Variants in DDX6 observed in about 807,000 individuals in gnomAD.
DDX6 encodes the protein DEAD-box helicase 6, also known as probable ATP-dependent RNA helicase DDX6.
In DDX6, 7 loss-of-function variants were observed where a neutral mutation model predicts 60.6. The observed-to-expected ratio is 0.12, with a 90% CI of 0.07 to 0.22. The LOEUF is 0.22. DDX6 is among the 10% of genes least tolerant of loss of function. The pLI is 1.00. For synonymous variants in DDX6, 207 were observed against 201.0 expected (o/e 1.03, Z -0.25); for missense variants, 270 against 589.9 (o/e 0.46, Z 5.62).
intron 4 of DDX6, among the ~76,000 whole-genome samples, chr11:118,778,020 TAA>T (rs11311035): frequency 1.5e-5 from 2 of 137,702 alleles, no homozygotes; most frequent in African/African-American, 5.2e-5. Flanking sequence ...AGAATAATAA[TAA>T]AAAAAAAATT....
At chr11:118,755,770 T>C (rs1482165369) in intron 11 of DDX6, among the ~76,000 whole-genome samples, 1 of 151,658 alleles carries the variant, frequency 6.6e-6, no homozygotes, top group Non-Finnish European at 1.5e-5. Flanking sequence ...TCCCAGCACT[T>C]TGGGAGACCA....
intron 4 of DDX6, among the ~76,000 whole-genome samples, chr11:118,768,785 G>T (rs576466305): frequency 6.6e-6 from 1 of 152,134 alleles, no homozygotes; most frequent in Admixed American, 6.6e-5. Context: ...AGAAGTGGGG[G>T]ATCACTTGAG....
intron 2 of DDX6, 107 bp downstream of exon 2, chr11:118,785,945 G>T: frequency 4.9e-6 from 5 of 1,011,518 alleles, no homozygotes; most frequent in Non-Finnish European, 5.7e-6. Context: ...TCCTCTATTT[G>T]GAATCAAAAT....
At chr11:118,765,413 A>G (rs1555161107) in intron 5 of DDX6, 58 bp from the exon 6 acceptor site, 5 of 1,552,656 alleles carry the variant, frequency 3.2e-6, no homozygotes, top group Non-Finnish European at 4.4e-6. Context: ...AGAACATGCT[A>G]TACATCATTA....
rs1269748571 is a variant in DDX6 at position 118,748,182 on chromosome 11, C to CT, written c.*3922dup. ...TATCTTAATAACCCAGCCCTACCCC[C>CT]TCCCTTACCCAGCATTGTCTACTGG... is the stretch of plus-strand genomic sequence containing the variant. On this transcript the variant is annotated 3_prime_UTR_variant, in exon 14 of 14. Transcript: ENST00000534980. 6.6e-6 allele frequency: 1 copy of CT among 152,172 alleles called. No individual in the cohort carries two copies. The highest frequency in any genetic ancestry group is 2.4e-5 in the African/African-American group (1 of 41,428). 9.4% of individuals were successfully genotyped at this position (152,172 alleles called of 1,614,324 possible).
rs374708709 is a variant in DDX6 at position 118,766,688 on chromosome 11, G to T, written c.500-1333C>A. Among the ~76,000 whole-genome samples the T allele has an allele frequency of 6.6e-5, 10 of 152,170 alleles. No individual in the cohort carries two copies. The East Asian group carries it at 1.5e-3, about 24-fold the overall frequency. On this transcript the variant is annotated intron_variant, in intron 5 of 13. Transcript: ENST00000534980. ...GGCCCACTGCAACCTCTGCCTCCCA[G>T]GTTCAAGCAATTCTCCTGCCTCAGC...
rs71044495 is a variant in DDX6 at position 118,783,810 on chromosome 11, C to CAAAAAAAAAA, written c.200+2232_200+2241dup. Among the ~76,000 whole-genome samples, 33 of 56,910 alleles carry CAAAAAAAAAA rather than the reference C, an allele frequency of 5.8e-4. 7 individuals carry two copies. The highest frequency in any genetic ancestry group is 1.2e-3 in the African/African-American group (18 of 14,572). The allele number at this position is 56,910 out of a possible 152,430, so 37.3% of individuals were successfully genotyped here. ...CAACAGAGTGAGTGAGAGTCCATCT[C>CAAAAAAAAAA]AAAAAAAAAAAAAATTAAAAATAGG... On this transcript the variant is annotated intron_variant, in intron 2 of 13. Coordinates refer to ENST00000534980, the MANE Select transcript of DDX6 (RefSeq NM_004397.6).
In DDX6 at chr11:118,758,808, T is replaced by C; in HGVS notation, c.959A>G (p.Gln320Arg). The C allele has an allele frequency of 6.2e-7, 1 of 1,613,900 alleles. No homozygotes were observed. The highest frequency in any genetic ancestry group is 8.5e-7 in the Non-Finnish European group (1 of 1,179,842). Reference sequence around the variant, plus strand: ...AAGTGTGTTGAGGCAGTGTACTTTTTGGCGCTCAGTTACATATGCGTAGTA... The same window carrying C: ...AAGTGTGTTGAGGCAGTGTACTTTTCGGCGCTCAGTTACATATGCGTAGTA... ...TQYYAYVTERQKVHCLNTLFS... is the reference protein window; with the variant it reads ...TQYYAYVTERRKVHCLNTLFS... Residue 320 changes from glutamine to arginine, a missense_variant, in exon 9 of 14, where the codon CAA becomes CGA. Around this residue, in one of 8 missense-constraint regions of DDX6, gnomAD observed 69 missense variants for 208.2 expected, o/e 0.33. Coordinates refer to ENST00000534980, the MANE Select transcript of DDX6 (RefSeq NM_004397.6).
intron 7 of DDX6, among the ~76,000 whole-genome samples, chr11:118,760,849 G>C (rs1861141603): frequency 7.2e-6 from 1 of 138,730 alleles, no homozygotes; most frequent in Non-Finnish European, 1.6e-5. Context: ...AAAAAAGTAA[G>C]GGTTCTGAGG....
chr11:118,759,988 C>A lies in DDX6; in HGVS notation c.798G>T (p.Thr266=). Reference sequence around the variant, plus strand: ...GTAAAATCTGCCTGTTTTTAGGTAGCGTGAGAATAATATCCTCCATTATCT... The same window carrying A: ...GTAAAATCTGCCTGTTTTTAGGTAGAGTGAGAATAATATCCTCCATTATCT... The part of the protein sequence containing the change: ...FVQIMEDIIL[T]LPKNRQILLY... The change falls in exon 8 of 14, where the codon ACG becomes ACT. Residue 266 remains threonine, a synonymous_variant. Coordinates refer to ENST00000534980, the MANE Select transcript of DDX6 (RefSeq NM_004397.6). 6.2e-7 allele frequency: 1 copy of A among 1,613,600 alleles called. No homozygotes were observed. The highest frequency in any genetic ancestry group is 8.5e-7 in the Non-Finnish European group (1 of 1,179,746).
At chr11:118,774,464 CTTTTTT>C (rs11442846) in intron 4 of DDX6, among the ~76,000 whole-genome samples, 1 of 116,400 alleles carries the variant, frequency 8.6e-6, no homozygotes. Context: ...CTCTAACAGT[CTTTTTT>C]TTTTTTTTTT....
At chr11:118,782,645 C>CTTTTTT (rs35854068) in intron 2 of DDX6, among the ~76,000 whole-genome samples, 1 of 143,690 alleles carries the variant, frequency 7.0e-6, no homozygotes, top group Non-Finnish European at 1.5e-5. Context: ...GTACTAAAGC[C>CTTTTTT]TTTTTTTTTT....
At chr11:118,791,225 C>T (rs1229234467), upstream of DDX6, 5 of 152,272 alleles carry the variant, frequency 3.3e-5, no homozygotes, top group Admixed American at 1.3e-4. Flanking sequence ...CCCTGCCTCT[C>T]CGCATGGCGG....
chr11:118,768,166 G>A, intron 5 of DDX6, 57 bp downstream of exon 5: 1 of 1,518,794 alleles, frequency 6.6e-7, no homozygotes, highest in East Asian at 2.3e-5. Flanking sequence ...TTCTACACAT[G>A]GCTCCAAGGC....
chr11:118,752,620 A>G (rs781911895), intron 13 of DDX6, among the ~76,000 whole-genome samples: 1 of 152,166 alleles, frequency 6.6e-6, no homozygotes, highest in South Asian at 2.1e-4. Flanking sequence ...TTAAAAAAGA[A>G]AGAGAAAAAA....
intron 10 of DDX6, 54 bp downstream of exon 10, chr11:118,757,117 A>C: frequency 1.0e-6 from 1 of 966,490 alleles, no homozygotes; most frequent in Non-Finnish European, 1.5e-6. Flanking sequence ...ATTAAAACAA[A>C]ATAAAGAAAG....
chr11:118,783,345 T>G (rs539118523), intron 2 of DDX6, among the ~76,000 whole-genome samples: 4 of 152,220 alleles, frequency 2.6e-5, no homozygotes, highest in Admixed American at 2.6e-4. Context: ...GGTGCGATCA[T>G]AGCTCACTGC....
intron 9 of DDX6, among the ~76,000 whole-genome samples, chr11:118,758,549 T>C (rs1861055654): frequency 6.6e-6 from 1 of 152,074 alleles, no homozygotes; most frequent in African/African-American, 2.4e-5. Context: ...TTTTTGTATT[T>C]TGTAGTAGAG....
At chr11:118,783,892 G>A (rs894100326) in intron 2 of DDX6, among the ~76,000 whole-genome samples, 2 of 150,844 alleles carry the variant, frequency 1.3e-5, no homozygotes, top group Non-Finnish European at 2.9e-5. Flanking sequence ...GAGGTGGGCA[G>A]ATCACTTGAG....
Sources: gnomAD v4.1 joint callset for allele counts (sites outside exome capture counted in the v4.1 genomes callset) on GRCh38, gnomAD v4.1.1 for gene constraint, gnomAD v4.1.1 regional missense constraint, MANE v1.5 for transcripts, NCBI Gene and HGNC (gene_info 2026-07-23, HGNC 2026-07-21) for gene names.